Variants in CALY observed in about 807,000 individuals in gnomAD.
CALY encodes the protein calcyon neuron specific vesicular protein.
In CALY, 15 loss-of-function variants were observed where a neutral mutation model predicts 20.2. That is an observed-to-expected ratio of 0.74 (90% CI 0.50 to 1.14). The LOEUF is 1.14. Ranked by LOEUF, CALY falls within the 50% of genes most tolerant of loss-of-function variation. The probability of loss-of-function intolerance (pLI) is 0.00; values close to 1 mark genes in which losing one functional copy is unlikely to be tolerated. For missense variants in CALY, 270 were observed against 304.4 expected (o/e 0.89, Z 0.84); for synonymous variants, 129 against 131.8 (o/e 0.98, Z 0.15).
rs1407961186 is a variant in CALY, at chr10:133,328,915, G to T, written c.75C>A (p.Asp25Glu). The change falls in exon 2 of 6, where the codon GAC becomes GAA. Residue 25 changes from aspartate to glutamate, a missense_variant. By Grantham distance (45) the Asp-to-Glu change is conservative. Transcript: ENST00000252939. ...DPGDQDGAAMDSVPLISPLDI... is the reference protein window; with the variant it reads ...DPGDQDGAAMESVPLISPLDI... ...CCAAGGGGCTGATCAGAGGCACACT[G>T]TCCATGGCAGCCCCATCCTGGTCCC... 1 of 1,555,434 alleles carries T rather than the reference G, an allele frequency of 6.4e-7. No individual in the cohort carries two copies. The highest frequency in any genetic ancestry group is 1.4e-5 in the African/African-American group (1 of 73,472).
chr10:133,330,268 G>C (rs1848280916), intron 1 of CALY, among the ~76,000 whole-genome samples: 1 of 147,512 alleles, frequency 6.8e-6, no homozygotes, highest in African/African-American at 2.5e-5. Flanking sequence ...CGGGAGAATC[G>C]CTTGAACCCG....
chr10:133,326,236 G>A, intron 4 of CALY, 116 bp from the exon 5 acceptor site: 1 of 1,550,816 alleles, frequency 6.4e-7, no homozygotes, highest in Non-Finnish European at 8.7e-7. Context: ...TGGAGCCATG[G>A]CTTCAGGACA....
chr10:133,336,476 C>T (rs1242732804), intron 1 of CALY, among the ~76,000 whole-genome samples: 1 of 152,062 alleles, frequency 6.6e-6, no homozygotes, highest in Admixed American at 6.5e-5. Flanking sequence ...GGAGCTGGGA[C>T]TGGTACCCCC....
rs1331243422 is a variant in CALY at position 133,327,924 on chromosome 10, T to C, written c.227A>G (p.His76Arg). 3 of 1,611,868 alleles carry C rather than the reference T, an allele frequency of 1.9e-6. No individual in the cohort carries two copies. The highest frequency in any genetic ancestry group is 3.3e-5 in the Admixed American group (2 of 59,892). Reference protein sequence around the residue: ...DLEGQRLNCSHPEEGRRLPTA... With the variant: ...DLEGQRLNCSRPEEGRRLPTA... ...GGTTACCCTGCGCCCTTCCTCTGGG[T>C]GGCTGCAGTTCAGCCTCTGGCCCTC... Residue 76 changes from histidine to arginine, a missense_variant, in exon 3 of 6, where the codon CAC becomes CGC. Transcript: ENST00000252939.
At chr10:133,331,162 G>A in intron 1 of CALY, among the ~76,000 whole-genome samples, 1 of 152,162 alleles carries the variant, frequency 6.6e-6, no homozygotes, top group East Asian at 1.9e-4. Flanking sequence ...GGCGAGTGCT[G>A]TAACCCGGTA....
Position 133,327,998 on chromosome 10 carries a change from C to A in CALY, c.153G>T (p.Gln51His). The change falls in exon 3 of 6, where the codon CAG becomes CAT. Residue 51 changes from glutamine (Q) to histidine (H), a missense_variant. Transcript: ENST00000252939. ...CTGGGGAGGACAGCTGGTATTCTGT[C>A]TGTGTCTTGATGACCACCTGTGAAA... is the stretch of plus-strand genomic sequence containing the variant. Reference protein sequence around the residue: ...PLPDQVVIKTQTEYQLSSPDQ... With the variant: ...PLPDQVVIKTHTEYQLSSPDQ... The A allele has an allele frequency of 6.2e-7, 1 of 1,610,460 alleles. No individual in the cohort carries two copies. Among genetic ancestry groups the A allele is most frequent in the South Asian group, 1.1e-5 (1 of 90,328 alleles).
chr10:133,335,897 C>T (rs547911276), intron 1 of CALY, among the ~76,000 whole-genome samples: 45 of 152,132 alleles, frequency 3.0e-4, no homozygotes, highest in Non-Finnish European at 5.1e-4. Flanking sequence ...TGAGTGAGGC[C>T]GTGCAGATGG....
Position 133,326,829 on chromosome 10 carries a change from G to A in CALY, c.360+49C>T, listed in dbSNP as rs756079418. On this transcript the variant is annotated intron_variant, in intron 4 of 5. Transcript: ENST00000252939. ...CTGCCACCCCCTGCCTGGAGGCTAC[G>A]GGAGGAGGGGCGGCTCTACACCCCC... 12 of 1,283,848 alleles carry A rather than the reference G, an allele frequency of 9.3e-6. No homozygotes were observed. The East Asian group carries it at 1.7e-4, about 18-fold the overall frequency. 79.5% of individuals were successfully genotyped at this position (1,283,848 alleles called of 1,614,324 possible).
chr10:133,328,976 C>A lies in CALY; in HGVS notation c.14G>T (p.Gly5Val). 1 of 1,563,452 alleles carries A rather than the reference C, an allele frequency of 6.4e-7. No homozygotes were observed. Among genetic ancestry groups the A allele is most frequent in the African/African-American group, 1.4e-5 (1 of 74,008 alleles). The change falls in exon 2 of 6, where the codon GGC becomes GTC. Residue 5 changes from glycine to valine, a missense_variant. By Grantham distance (109) the Gly-to-Val change is moderately radical (BLOSUM62 -3). Transcript: ENST00000252939. ...ACCTGGCTTCCCAGAGAAGCTGCAG[C>A]CCAGCTTCACCATGGTGGATGGCAG... is the stretch of plus-strand genomic sequence containing the variant. MVKL[G>V]CSFSGKPGKD...
chr10:133,335,300 C>G (rs1410927841), intron 1 of CALY, among the ~76,000 whole-genome samples: 1 of 152,150 alleles, frequency 6.6e-6, no homozygotes, highest in Non-Finnish European at 1.5e-5. Flanking sequence ...AGTCCCGCAC[C>G]AGGGCCCGCA....
chr10:133,328,908 G>A lies in CALY; in HGVS notation c.82C>T (p.Pro28Ser), dbSNP rs145969782. The change falls in exon 2 of 6, where the codon CCT becomes TCT. Residue 28 changes from proline (P) to serine (S), a missense_variant. Coordinates refer to ENST00000252939, the MANE Select transcript of CALY (RefSeq NM_015722.4). Reference sequence around the variant, plus strand: ...CTGATGTCCAAGGGGCTGATCAGAGGCACACTGTCCATGGCAGCCCCATCC... The same window carrying A: ...CTGATGTCCAAGGGGCTGATCAGAGACACACTGTCCATGGCAGCCCCATCC... ...DQDGAAMDSV[P>S]LISPLDISQL... 1 of 1,554,114 alleles carries A rather than the reference G, an allele frequency of 6.4e-7. No individual in the cohort carries two copies. The highest frequency in any genetic ancestry group is 8.7e-7 in the Non-Finnish European group (1 of 1,149,110).
chr10:133,336,496 C>T (rs922595279), intron 1 of CALY, among the ~76,000 whole-genome samples: 5 of 152,148 alleles, frequency 3.3e-5, no homozygotes, highest in Non-Finnish European at 7.4e-5. Context: ...CTCCCCACCT[C>T]GGAGACACCC....
chr10:133,328,259 G>A (rs1353208721), intron 2 of CALY, among the ~76,000 whole-genome samples: 1 of 152,234 alleles, frequency 6.6e-6, no homozygotes, highest in Non-Finnish European at 1.5e-5. Context: ...GCTGCTGACA[G>A]AGCCCCTCAC....
rs1423908903 is a variant in CALY at position 133,324,128 on chromosome 10, CCATATA to C, written c.*1461_*1466del. 3.3e-6 allele frequency: 1 copy of C among 303,528 alleles called. No individual in the cohort carries two copies. The highest frequency in any genetic ancestry group is 6.6e-6 in the Non-Finnish European group (1 of 151,990). The allele number at this position is 303,528 out of a possible 1,614,324, so 18.8% of individuals were successfully genotyped here. A position where few individuals can be genotyped will look rare whatever the true frequency, so the allele number is the denominator to read the frequency against. The stretch of plus-strand genomic sequence containing the variant: ...TCGGCCATGCAGAGACTCCCTGCCC[CCATATA>C]TCCCAGCTGACGCCCCAGGCCCCGG... On this transcript the variant is annotated 3_prime_UTR_variant, in exon 6 of 6. Coordinates refer to ENST00000252939, the MANE Select transcript of CALY (RefSeq NM_015722.4).
At chr10:133,330,650 T>C (rs1479274355) in intron 1 of CALY, among the ~76,000 whole-genome samples, 6 of 53,022 alleles carry the variant, frequency 1.1e-4, no homozygotes, top group African/African-American at 2.5e-4. Flanking sequence ...AGAGAGAGAC[T>C]CCGTCTCAAA....
chr10:133,333,338 G>C (rs1589855506), intron 1 of CALY, among the ~76,000 whole-genome samples: 1 of 113,894 alleles, frequency 8.8e-6, no homozygotes, highest in Non-Finnish European at 1.8e-5. Flanking sequence ...AAGGACAGAG[G>C]GACCCAACGG....
intron 1 of CALY, among the ~76,000 whole-genome samples, chr10:133,329,308 G>A (rs1048755769): frequency 2.0e-5 from 3 of 152,206 alleles, no homozygotes; most frequent in Admixed American, 2.0e-4. Flanking sequence ...AGCTGCTCTA[G>A]ACAACCTCCT....
chr10:133,333,170 C>T (rs1199707837), intron 1 of CALY, among the ~76,000 whole-genome samples: 1 of 151,420 alleles, frequency 6.6e-6, no homozygotes, highest in African/African-American at 2.4e-5. Flanking sequence ...TTCTGCCCAG[C>T]TGCTGCCACT....
intron 1 of CALY, among the ~76,000 whole-genome samples, 163 bp downstream of exon 1, chr10:133,336,671 C>A (rs1239498773): frequency 2.0e-5 from 3 of 152,146 alleles, no homozygotes; most frequent in African/African-American, 7.2e-5. Flanking sequence ...CCCGCACACG[C>A]GCCTCGCACA....
Sources: allele counts gnomAD v4.1 joint callset (sites outside exome capture counted in the v4.1 genomes callset), GRCh38; gene constraint gnomAD v4.1.1; transcripts MANE v1.5; gene names NCBI Gene and HGNC (gene_info 2026-07-23, HGNC 2026-07-21).